The following GALNT13 variants were observed in gnomAD, a reference collection of about 807,000 sequenced individuals.
GALNT13 encodes polypeptide N-acetylgalactosaminyltransferase 13, also known as UDP-GalNAc:polypeptide N-acetylgalactosaminyltransferase 13.
In GALNT13, 28 loss-of-function variants were observed where a neutral mutation model predicts 64.2. That is an observed-to-expected ratio of 0.44 (90% CI 0.32 to 0.60). The LOEUF (loss-of-function observed/expected upper bound fraction) is 0.60. GALNT13 is among the 20% of genes least tolerant of loss of function. GALNT13 has a pLI of 0.05. For missense variants in GALNT13, 577 were observed against 669.8 expected (o/e 0.86, Z 1.53); for synonymous variants, 214 against 224.6 (o/e 0.95, Z 0.42).
At chr2:154,215,532 G>A (rs1438405417) in intron 4 of GALNT13, among the ~76,000 whole-genome samples, 2 of 151,980 alleles carry the variant, frequency 1.3e-5, no homozygotes, top group Admixed American at 6.6e-5. Context: ...TATTTAATTT[G>A]CTCTGCCTGA....
rs371906513 is a variant in GALNT13, at chr2:154,327,877, A to C, written c.1156+26288A>C. On this transcript the variant is annotated intron_variant, in intron 9 of 12. Transcript: ENST00000392825. ...TTGGAAGAATCTTCCTTTCTAAATTAGCTTTTTAAGTTTTCCCTTCAAATT... is the reference window on the plus strand; with the variant it reads ...TTGGAAGAATCTTCCTTTCTAAATTCGCTTTTTAAGTTTTCCCTTCAAATT... Among the ~76,000 whole-genome samples, 139 of 152,256 alleles carry C rather than the reference A, an allele frequency of 9.1e-4. 1 individual carries two copies. Among genetic ancestry groups the C allele is most frequent in the African/African-American group, 3.2e-3 (132 of 41,568 alleles).
chr2:154,372,352 G>A (rs991090973), intron 9 of GALNT13, among the ~76,000 whole-genome samples: 2 of 145,602 alleles, frequency 1.4e-5, no homozygotes, highest in South Asian at 2.2e-4. Flanking sequence ...ATCCCCAGAT[G>A]TACTGATTGA....
At chr2:153,431,494 T>C in the GALNT13 span, among the ~76,000 whole-genome samples, 1 of 152,212 alleles carries the variant, frequency 6.6e-6, no homozygotes, top group Admixed American at 6.5e-5. Flanking sequence ...TAAATTACAA[T>C]TGCACAAAAA....
chr2:153,441,171 G>A, the GALNT13 span, among the ~76,000 whole-genome samples: 1 of 152,136 alleles, frequency 6.6e-6, no homozygotes, highest in Non-Finnish European at 1.5e-5. Context: ...CATATGGCTG[G>A]CCAGTTTTCC....
At chr2:154,012,180 GT>G (rs1696681632) in intron 3 of GALNT13, among the ~76,000 whole-genome samples, 1 of 152,164 alleles carries the variant, frequency 6.6e-6, no homozygotes, top group Non-Finnish European at 1.5e-5. Context: ...TATGTACTTA[GT>G]TGTGTTTTTG....
intron 9 of GALNT13, among the ~76,000 whole-genome samples, chr2:154,354,751 G>A (rs1339268034): frequency 6.6e-6 from 1 of 151,800 alleles, no homozygotes; most frequent in African/African-American, 2.4e-5. Context: ...TTTATTTCTA[G>A]GTTCTCTTCT....
chr2:153,336,227 T>C, the GALNT13 span, among the ~76,000 whole-genome samples: 1 of 152,128 alleles, frequency 6.6e-6, no homozygotes, highest in African/African-American at 2.4e-5. Flanking sequence ...ATTGGGGCAC[T>C]GCCTAGTGGA....
At chr2:153,891,392 C>T (rs1483656905) in intron 1 of GALNT13, among the ~76,000 whole-genome samples, 1 of 151,932 alleles carries the variant, frequency 6.6e-6, no homozygotes, top group Non-Finnish European at 1.5e-5. Context: ...CCACTGTTAG[C>T]TAGTCAGAGA....
the GALNT13 span, among the ~76,000 whole-genome samples, chr2:153,228,506 A>C: frequency 1.8e-4 from 27 of 152,044 alleles, no homozygotes; most frequent in Admixed American, 1.6e-3. Flanking sequence ...TTCCATCTCT[A>C]AGTTCTTTGT....
At chr2:154,269,802 A>G (rs1691224741) in intron 8 of GALNT13, among the ~76,000 whole-genome samples, 1 of 150,324 alleles carries the variant, frequency 6.7e-6, no homozygotes, top group African/African-American at 2.4e-5. Context: ...TTTCATTCAA[A>G]GAAGGGCTTT....
At chr2:153,549,114 G>C in the GALNT13 span, among the ~76,000 whole-genome samples, 1 of 152,118 alleles carries the variant, frequency 6.6e-6, no homozygotes, top group South Asian at 2.1e-4. Context: ...AGGAAAGAGG[G>C]GAATATGGAG....
At chr2:153,068,418 G>A in the GALNT13 span, among the ~76,000 whole-genome samples, 1 of 152,196 alleles carries the variant, frequency 6.6e-6, no homozygotes, top group Non-Finnish European at 1.5e-5. Flanking sequence ...TTTTGCTGAA[G>A]AGATGTTTAC....
At chr2:154,023,918 T>TG (rs1311449337) in intron 3 of GALNT13, among the ~76,000 whole-genome samples, 1 of 152,156 alleles carries the variant, frequency 6.6e-6, no homozygotes, top group Non-Finnish European at 1.5e-5. Context: ...AGCATTTGCT[T>TG]GTCTGTAAAG....
At chr2:153,867,592 C>T (rs1437143622), upstream of GALNT13, among the ~76,000 whole-genome samples, 3 of 152,064 alleles carry the variant, frequency 2.0e-5, no homozygotes, top group Non-Finnish European at 2.9e-5. Flanking sequence ...AAGCACATGA[C>T]GTTTATTGTG....
chr2:153,142,739 A>G, the GALNT13 span, among the ~76,000 whole-genome samples: 1 of 151,958 alleles, frequency 6.6e-6, no homozygotes, highest in African/African-American at 2.4e-5. Flanking sequence ...AAGAAGTCCT[A>G]TGAAAAATTA....
intron 4 of GALNT13, among the ~76,000 whole-genome samples, chr2:154,223,448 C>CTTTTTTTTTTTT (rs61230257): frequency 3.2e-5 from 4 of 124,304 alleles, no homozygotes; most frequent in Non-Finnish European, 5.0e-5. Flanking sequence ...TTTTCTTTTT[C>CTTTTTTTTTTTT]TTTTTTTTTT....
the GALNT13 span, among the ~76,000 whole-genome samples, chr2:153,349,258 T>C: frequency 1.3e-5 from 2 of 151,950 alleles, no homozygotes; most frequent in Admixed American, 6.5e-5. Flanking sequence ...CATTTTCTTT[T>C]GAAAACTCTG....
the GALNT13 span, among the ~76,000 whole-genome samples, chr2:153,429,789 C>G: frequency 6.6e-6 from 1 of 152,000 alleles, no homozygotes; most frequent in South Asian, 2.1e-4. Flanking sequence ...CTTCTTCATC[C>G]AAATGTTTTT....
the GALNT13 span, among the ~76,000 whole-genome samples, chr2:153,513,443 C>A: frequency 6.6e-6 from 1 of 152,284 alleles, no homozygotes; most frequent in East Asian, 1.9e-4. Context: ...TTATTAATCA[C>A]TAATGCTTGT....
Sources: gnomAD v4.1 joint callset for allele counts (sites outside exome capture counted in the v4.1 genomes callset) on GRCh38, gnomAD v4.1.1 for gene constraint, MANE v1.5 for transcripts, NCBI Gene and HGNC (gene_info 2026-07-23, HGNC 2026-07-21) for gene names.